Variants in RNF152 observed in about 807,000 individuals in gnomAD.
RNF152 encodes the protein ring finger protein 152.
RNF152 carries 11 observed loss-of-function variants against 12.7 expected under a neutral mutation model. The ratio of observed to expected loss-of-function variants is 0.86; its 90% CI spans 0.54 to 1.43. The LOEUF (loss-of-function observed/expected upper bound fraction) is 1.43, where lower values mean the gene tolerates loss of function less well. RNF152 is among the 40% of genes most tolerant of loss of function. The pLI, the probability that RNF152 is intolerant of heterozygous loss-of-function variation, is 0.00. For synonymous variants in RNF152, 113 were observed against 120.3 expected (o/e 0.94, Z 0.40); for missense variants, 255 against 274.8 (o/e 0.93, Z 0.51).
At chr18:61,829,832 A>T (rs566112635) in intron 1 of RNF152, among the ~76,000 whole-genome samples, 43 of 152,128 alleles carry the variant, frequency 2.8e-4, no homozygotes, top group Non-Finnish European at 5.3e-4. Flanking sequence ...GTCCCCTCCT[A>T]TTCTGTAATC....
At chr18:61,859,988 T>C (rs1449787253) in intron 1 of RNF152, among the ~76,000 whole-genome samples, 3 of 152,184 alleles carry the variant, frequency 2.0e-5, no homozygotes, top group East Asian at 1.9e-4. Flanking sequence ...GATGAGGTTA[T>C]ATTGGAGCAG....
At chr18:61,817,943 C>T (rs563082271) in intron 1 of RNF152, among the ~76,000 whole-genome samples, 1 of 152,142 alleles carries the variant, frequency 6.6e-6, no homozygotes, top group South Asian at 2.1e-4. Flanking sequence ...ATTACTCAAC[C>T]ACTATTGCAG....
At chr18:61,891,371 T>G (rs1912952262) in intron 1 of RNF152, among the ~76,000 whole-genome samples, 1 of 152,192 alleles carries the variant, frequency 6.6e-6, no homozygotes, top group Non-Finnish European at 1.5e-5. Flanking sequence ...GGACGTGCAT[T>G]TACATGGGCA....
intron 1 of RNF152, among the ~76,000 whole-genome samples, chr18:61,871,047 C>A (rs1034070686): frequency 6.6e-5 from 10 of 152,140 alleles, no homozygotes; most frequent in African/African-American, 1.9e-4. Context: ...TCACTAGAAG[C>A]ATTTGTATTT....
rs185734508 is a variant in RNF152, at chr18:61,861,757, A to C, written c.-136+31038T>G. Among the ~76,000 whole-genome samples the C allele has an allele frequency of 5.0e-3, 760 of 152,286 alleles. 7 individuals carry two copies. Among genetic ancestry groups the C allele is most frequent in the African/African-American group, 0.018 (738 of 41,536 alleles). On this transcript the variant is annotated intron_variant, in intron 1 of 1. Coordinates refer to ENST00000312828, the MANE Select transcript of RNF152 (RefSeq NM_173557.3). Reference sequence around the variant, plus strand: ...TGAAGGGAAGCTGGCATGTGCAGAGATCACATGGTGAGAGAGGAAGCAAGG... The same window carrying C: ...TGAAGGGAAGCTGGCATGTGCAGAGCTCACATGGTGAGAGAGGAAGCAAGG...
At chr18:61,816,674 T>A (rs192008219) in intron 1 of RNF152, 76 bp from the exon 2 acceptor site, 3 of 541,068 alleles carry the variant, frequency 5.5e-6, no homozygotes, top group Admixed American at 7.2e-5. Flanking sequence ...AATGGATTTA[T>A]ACCATTGCTC....
At chr18:61,841,727 A>C (rs1910463005) in intron 1 of RNF152, among the ~76,000 whole-genome samples, 3 of 152,374 alleles carry the variant, frequency 2.0e-5, no homozygotes, top group African/African-American at 7.2e-5. Flanking sequence ...AAGCCTCTCC[A>C]TGAAACCGCA....
chr18:61,830,909 T>C (rs74408225), intron 1 of RNF152, among the ~76,000 whole-genome samples: 23,122 of 152,242 alleles, frequency 0.15, 1,817 homozygotes, highest in Non-Finnish European at 0.17. Flanking sequence ...CTTGAGATTT[T>C]GTACCTAGCA....
chr18:61,841,194 C>G (rs2144671484), intron 1 of RNF152, among the ~76,000 whole-genome samples: 1 of 152,324 alleles, frequency 6.6e-6, no homozygotes, highest in South Asian at 2.1e-4. Context: ...CACTGTCAAG[C>G]TAACTAGCAG....
rs1908970142 is a variant in RNF152 at position 61,814,525 on chromosome 18, T to C, written c.*1327A>G. Reference sequence around the variant, plus strand: ...GCAGATCTTTCTTCATGAGCATCTATAGATCATTACACATTTAAGAACATT... The same window carrying C: ...GCAGATCTTTCTTCATGAGCATCTACAGATCATTACACATTTAAGAACATT... On this transcript the variant is annotated 3_prime_UTR_variant, in exon 2 of 2. Coordinates refer to ENST00000312828, the MANE Select transcript of RNF152 (RefSeq NM_173557.3). 1 of 152,236 alleles carries C rather than the reference T, an allele frequency of 6.6e-6. No individual in the cohort carries two copies. Among genetic ancestry groups the C allele is most frequent in the African/African-American group, 2.4e-5 (1 of 41,472 alleles). 9.4% of individuals were successfully genotyped at this position (152,236 alleles called of 1,614,324 possible).
chr18:61,817,257 G>A (rs952244374), intron 1 of RNF152, among the ~76,000 whole-genome samples: 1 of 152,248 alleles, frequency 6.6e-6, no homozygotes, highest in African/African-American at 2.4e-5. Context: ...AAAAGCAGCA[G>A]TGAAGCTTAA....
At chr18:61,833,790 T>A (rs573882674) in intron 1 of RNF152, among the ~76,000 whole-genome samples, 1 of 152,222 alleles carries the variant, frequency 6.6e-6, no homozygotes, top group Non-Finnish European at 1.5e-5. Context: ...GAGATTTTTC[T>A]TTCTGTCCAT....
At chr18:61,818,002 A>T (rs1326022704) in intron 1 of RNF152, among the ~76,000 whole-genome samples, 2 of 152,224 alleles carry the variant, frequency 1.3e-5, no homozygotes, top group Non-Finnish European at 2.9e-5. Context: ...GATGGGAGCT[A>T]TAACACTCCT....
rs935620645 is a variant in RNF152 at position 61,810,376 on chromosome 18, T to C, written c.*5476A>G. On this transcript the variant is annotated 3_prime_UTR_variant, in exon 2 of 2. Transcript: ENST00000312828. ...AGTGTTTCATGTTGGCTGGGTGCAG[T>C]GGCCCATGCCTGTAATCCCAGCACT... 2 of 152,238 alleles carry C rather than the reference T, an allele frequency of 1.3e-5. No individual in the cohort carries two copies. The highest frequency in any genetic ancestry group is 2.9e-5 in the Non-Finnish European group (2 of 68,060). 9.4% of individuals were successfully genotyped at this position (152,238 alleles called of 1,614,324 possible).
chr18:61,855,451 G>A (rs954654840), intron 1 of RNF152, among the ~76,000 whole-genome samples: 2 of 152,224 alleles, frequency 1.3e-5, no homozygotes, highest in Non-Finnish European at 2.9e-5. Context: ...GGGGCTCCTC[G>A]AGCCAGGGCT....
chr18:61,836,749 A>G (rs1188483605), intron 1 of RNF152, among the ~76,000 whole-genome samples: 1 of 152,158 alleles, frequency 6.6e-6, no homozygotes, highest in Non-Finnish European at 1.5e-5. Context: ...CCTTGACTCC[A>G]TAGTAACACT....
chr18:61,829,570 G>A (rs1909838694), intron 1 of RNF152, among the ~76,000 whole-genome samples: 1 of 147,164 alleles, frequency 6.8e-6, no homozygotes, highest in Non-Finnish European at 1.5e-5. Context: ...GAGAGAGATT[G>A]GGGGAAGGAG....
chr18:61,808,928 C>T lies in RNF152; in HGVS notation c.*6924G>A, dbSNP rs1353564786. 3.9e-5 allele frequency: 6 copies of T among 152,136 alleles called. No individual in the cohort carries two copies. The highest frequency in any genetic ancestry group is 1.2e-4 in the African/African-American group (5 of 41,402). 9.4% of individuals were successfully genotyped at this position (152,136 alleles called of 1,614,324 possible). A position where few individuals can be genotyped will look rare whatever the true frequency, so the allele number is the denominator to read the frequency against. On this transcript the variant is annotated 3_prime_UTR_variant, in exon 2 of 2. Coordinates refer to ENST00000312828, the MANE Select transcript of RNF152 (RefSeq NM_173557.3). The stretch of plus-strand genomic sequence containing the variant: ...AGGGTGATAGGGAAAATGGGGACTC[C>T]TTGGACCCTCATGAGCTGAGCACAT...
chr18:61,808,201 T>C lies in RNF152; in HGVS notation c.*7651A>G, dbSNP rs1912782059. ...ATACCATATATTAAAATTGGGTTCA[T>C]TGGAAAACTCAGGACTGGCTAAGAC... On this transcript the variant is annotated 3_prime_UTR_variant, in exon 2 of 2. Coordinates refer to ENST00000312828, the MANE Select transcript of RNF152 (RefSeq NM_173557.3). The C allele has an allele frequency of 6.6e-6, 1 of 151,922 alleles. No homozygotes were observed. Among genetic ancestry groups the C allele is most frequent in the Non-Finnish European group, 1.5e-5 (1 of 67,996 alleles). 9.4% of individuals were successfully genotyped at this position (151,922 alleles called of 1,614,324 possible).
Sources: gnomAD v4.1 joint callset for allele counts (sites outside exome capture counted in the v4.1 genomes callset) on GRCh38, gnomAD v4.1.1 for gene constraint, MANE v1.5 for transcripts, NCBI Gene and HGNC (gene_info 2026-07-23, HGNC 2026-07-21) for gene names.